Variants in EPHA5 observed in about 807,000 individuals in gnomAD.
The protein encoded by EPHA5 is EPH receptor A5, also known as ephrin type-A receptor 5.
In EPHA5, 60 loss-of-function variants were observed where a neutral mutation model predicts 105.0. The observed-to-expected ratio is 0.57, with a 90% confidence interval of 0.46 to 0.71. The LOEUF (loss-of-function observed/expected upper bound fraction) is 0.71, where lower values mean the gene tolerates loss of function less well. Among genes scored for constraint, EPHA5 ranks in the 30% least tolerant of loss-of-function variants. The pLI, the probability that EPHA5 is intolerant of heterozygous loss-of-function variation, is 0.00. For missense variants in EPHA5, 1,218 were observed against 1,274.7 expected, an observed-to-expected ratio of 0.96 and a Z score of 0.68; for synonymous variants, 513 against 449.1, an observed-to-expected ratio of 1.14 and a Z score of -1.80.
rs542993689 is a variant in EPHA5 at position 65,529,396 on chromosome 4, A to C, written c.911-33853T>G. Among the ~76,000 whole-genome samples, 6 of 151,360 alleles carry C rather than the reference A, an allele frequency of 4.0e-5. 1 individual carries two copies. In the South Asian group the frequency reaches 1.2e-3, roughly 32 times the overall value. On this transcript the variant is annotated intron_variant, in intron 3 of 16. Coordinates refer to ENST00000613740, the MANE Select transcript of EPHA5 (RefSeq NM_001281766.3). ...GTCTCATAAACATATATGTATACCT[A>C]TGTTTATCTGTGTGCATACGTATGC...
intron 5 of EPHA5, among the ~76,000 whole-genome samples, chr4:65,480,782 T>A (rs1288962244): frequency 6.6e-6 from 1 of 152,168 alleles, no homozygotes; most frequent in Non-Finnish European, 1.5e-5. Context: ...TCAATGAGTC[T>A]ATGAGCCACT....
chr4:65,484,639 T>C (rs892513252), intron 5 of EPHA5, among the ~76,000 whole-genome samples: 2 of 152,182 alleles, frequency 1.3e-5, no homozygotes, highest in African/African-American at 4.8e-5. Flanking sequence ...CCTTGGCATG[T>C]TAATTATTTG....
intron 2 of EPHA5, among the ~76,000 whole-genome samples, chr4:65,602,899 A>G (rs969359183): frequency 6.6e-6 from 1 of 152,124 alleles, no homozygotes; most frequent in Non-Finnish European, 1.5e-5. Flanking sequence ...ATTTCACTGA[A>G]CCCATCTATT....
Position 65,324,119 on chromosome 4 carries a change from A to T in EPHA5, c.3046T>A (p.Leu1016Met). The change falls in exon 17 of 17, where the codon TTG (leucine) becomes ATG (methionine). Residue 1016 changes from leucine (L) to methionine (M), a missense_variant. Around this residue, in one of 3 missense-constraint regions of EPHA5, gnomAD observed 971 missense variants for 1,013.5 expected, o/e 0.96. Transcript: ENST00000613740. ...GAAGCGACATTTACATGAAGTTACA[A>T]TGGCACCATTCCGTTTACCAGCTGC... ...KVQLVNGMVP[L>M] is the part of the protein sequence containing the mutation. 1 of 1,604,518 alleles carries T rather than the reference A, an allele frequency of 6.2e-7. No homozygotes were observed. Among genetic ancestry groups the T allele is most frequent in the Non-Finnish European group, 8.5e-7 (1 of 1,172,882 alleles).
chr4:65,628,144 C>T (rs892457686), intron 2 of EPHA5, among the ~76,000 whole-genome samples: 1 of 151,986 alleles, frequency 6.6e-6, no homozygotes, highest in South Asian at 2.1e-4. Context: ...ACTGACGATA[C>T]TTGGCTAATA....
At chr4:65,360,370 G>A (rs1263629313) in intron 11 of EPHA5, among the ~76,000 whole-genome samples, 1 of 151,572 alleles carries the variant, frequency 6.6e-6, no homozygotes, top group Non-Finnish European at 1.5e-5. Flanking sequence ...AATGTTTCTT[G>A]TCAAGCATGT....
At position 65,367,674 on chromosome 4, in the gene EPHA5, C is replaced by G. The variant is rs553817663; in HGVS notation, c.1794-250G>C. ...GCCATCCAAACCTGTTTTTAAACTT[C>G]CCCTCACCAAATACTGTATACCAGA... On this transcript the variant is annotated intron_variant, in intron 8 of 16. Transcript: ENST00000613740. 3.4e-4 allele frequency among the ~76,000 whole-genome samples: 52 copies of G among 152,138 alleles called. 1 individual carries two copies. In the South Asian group the frequency reaches 9.3e-3, roughly 27 times the overall value.
chr4:65,438,199 T>C (rs1349377804), intron 5 of EPHA5, among the ~76,000 whole-genome samples: 1 of 151,980 alleles, frequency 6.6e-6, no homozygotes, highest in Non-Finnish European at 1.5e-5. Context: ...ATAAACTCAT[T>C]CATTTAATGA....
intron 15 of EPHA5, 30 bp downstream of exon 15, chr4:65,335,902 C>T (rs765742005): frequency 6.4e-7 from 1 of 1,556,430 alleles, no homozygotes; most frequent in Non-Finnish European, 8.7e-7. Flanking sequence ...TAGCTACATT[C>T]TGGAAAATCA....
At chr4:65,382,480 CAAAA>C (rs1474235041) in intron 8 of EPHA5, among the ~76,000 whole-genome samples, 1 of 151,594 alleles carries the variant, frequency 6.6e-6, no homozygotes, top group Non-Finnish European at 1.5e-5. Context: ...TATTTGAACT[CAAAA>C]TAAATTTTAT....
rs567631461 is a variant in EPHA5, at chr4:65,392,029, A to G, written c.1793+12345T>C. On this transcript the variant is annotated intron_variant, in intron 8 of 16. Coordinates refer to ENST00000613740, the MANE Select transcript of EPHA5 (RefSeq NM_001281766.3). The stretch of plus-strand genomic sequence containing the variant: ...CAATAGTGGATGTTCAATAGTGTTG[A>G]GCAATTGAGCCAGTAACCCTCTTAC... Among the ~76,000 whole-genome samples, 4 of 152,200 alleles carry G rather than the reference A, an allele frequency of 2.6e-5. No individual in the cohort carries two copies. In the South Asian group the frequency reaches 8.3e-4, roughly 32 times the overall value.
chr4:65,483,388 G>T (rs999207425), intron 5 of EPHA5, among the ~76,000 whole-genome samples: 3 of 152,144 alleles, frequency 2.0e-5, no homozygotes, highest in Non-Finnish European at 4.4e-5. Flanking sequence ...TAATGGGATG[G>T]CTGGGTCAAA....
At chr4:65,480,021 A>T (rs1421267816) in intron 5 of EPHA5, among the ~76,000 whole-genome samples, 1 of 152,124 alleles carries the variant, frequency 6.6e-6, no homozygotes, top group Non-Finnish European at 1.5e-5. Flanking sequence ...TGTGCCATGA[A>T]TTGAGGCACA....
At chr4:65,328,186 A>C (rs1437857112) in intron 16 of EPHA5, among the ~76,000 whole-genome samples, 1 of 151,106 alleles carries the variant, frequency 6.6e-6, no homozygotes, top group Non-Finnish European at 1.5e-5. Context: ...TAGGCCTATG[A>C]ATCTAAACAT....
chr4:65,525,824 C>T (rs1426772186), intron 3 of EPHA5, among the ~76,000 whole-genome samples: 3 of 151,732 alleles, frequency 2.0e-5, no homozygotes, highest in Non-Finnish European at 4.4e-5. Context: ...CAAACAAGTA[C>T]CATGGGATTT....
intron 1 of EPHA5, among the ~76,000 whole-genome samples, chr4:65,664,064 T>A (rs4484354): frequency 0.27 from 40,380 of 151,784 alleles, 6,103 homozygotes; most frequent in East Asian, 0.56. Flanking sequence ...CACTTTAAAA[T>A]CTATCTCATG....
Position 65,364,998 on chromosome 4 carries a change from A to AATT in EPHA5, c.2173+16_2173+18dup. The AATT allele has an allele frequency of 1.2e-6, 2 of 1,603,092 alleles. No individual in the cohort carries two copies. Among genetic ancestry groups the AATT allele is most frequent in the South Asian group, 2.2e-5 (2 of 90,498 alleles). On this transcript the variant is annotated intron_variant, in intron 11 of 16. Transcript: ENST00000613740. ...ATTGAGGATATGCACACACATGTAT[A>AATT]ATTTGCCATCATACTTACTTTTGGT...
intron 3 of EPHA5, among the ~76,000 whole-genome samples, chr4:65,552,552 G>T (rs1338637075): frequency 6.6e-6 from 1 of 152,114 alleles, no homozygotes; most frequent in African/African-American, 2.4e-5. Context: ...TTAAGAAGTG[G>T]GAGGTGAGAT....
intron 8 of EPHA5, among the ~76,000 whole-genome samples, chr4:65,368,035 C>G (rs115373036): frequency 6.6e-6 from 1 of 151,926 alleles, no homozygotes; most frequent in Non-Finnish European, 1.5e-5. Flanking sequence ...GCAAATTTCT[C>G]TTATTACTAG....
Sources: allele counts gnomAD v4.1 joint callset (sites outside exome capture counted in the v4.1 genomes callset), GRCh38; gene constraint gnomAD v4.1.1; regional missense constraint gnomAD v4.1.1; transcripts MANE v1.5; gene names NCBI Gene and HGNC (gene_info 2026-07-23, HGNC 2026-07-21).